TNIK: variants seen among roughly 807,000 people sequenced by gnomAD.
The protein encoded by TNIK is TRAF2 and NCK-interacting protein kinase.
TNIK carries 49 observed loss-of-function variants against 191.3 expected under a neutral mutation model. The ratio of observed to expected loss-of-function variants is 0.26; its 90% confidence interval spans 0.20 to 0.32. The LOEUF (loss-of-function observed/expected upper bound fraction) is 0.32. Ranked by LOEUF, TNIK falls within the 10% of genes least tolerant of loss-of-function variation. The probability of loss-of-function intolerance (pLI) is 1.00; values close to 1 mark genes in which losing one functional copy is unlikely to be tolerated. For synonymous variants in TNIK, 594 were observed against 600.9 expected (o/e 0.99, Z 0.17); for missense variants, 1,155 against 1,702.3 (o/e 0.68, Z 5.66).
intron 15 of TNIK, among the ~76,000 whole-genome samples, chr3:171,131,665 G>A (rs945501323): frequency 1.3e-5 from 2 of 152,206 alleles, no homozygotes; most frequent in Admixed American, 1.3e-4. Flanking sequence ...AGGGTGTAAC[G>A]ATGAGGCATC....
intron 16 of TNIK, among the ~76,000 whole-genome samples, chr3:171,127,468 A>G (rs1214349931): frequency 6.6e-6 from 1 of 152,170 alleles, no homozygotes; most frequent in Non-Finnish European, 1.5e-5. Flanking sequence ...ACAACCCCCA[A>G]ACTGAAGCAC....
intron 17 of TNIK, among the ~76,000 whole-genome samples, chr3:171,125,486 C>T (rs1357339071): frequency 6.6e-6 from 1 of 152,202 alleles, no homozygotes; most frequent in Non-Finnish European, 1.5e-5. Context: ...TTCTGAACCC[C>T]TGAAATCTGG....
At chr3:171,301,944 A>C (rs980721905) in intron 2 of TNIK, among the ~76,000 whole-genome samples, 1 of 152,134 alleles carries the variant, frequency 6.6e-6, no homozygotes, top group Non-Finnish European at 1.5e-5. Flanking sequence ...CAGGGGAAAA[A>C]ATTTGTGTAT....
In TNIK at chr3:171,275,853, T is replaced by C. The variant is rs191788675; in HGVS notation, c.124-47632A>G. Among the ~76,000 whole-genome samples, 13 of 152,034 alleles carry C rather than the reference T, an allele frequency of 8.6e-5. No homozygotes were observed. In the East Asian group the frequency reaches 2.5e-3, roughly 29 times the overall value. ...CGGAGCTTGCAGTGAGCCGAGATCGTGCCACTGCACTCCAAGCTGGGCGAC... is the reference window on the plus strand; with the variant it reads ...CGGAGCTTGCAGTGAGCCGAGATCGCGCCACTGCACTCCAAGCTGGGCGAC... On this transcript the variant is annotated intron_variant, in intron 2 of 32. Coordinates refer to ENST00000436636, the MANE Select transcript of TNIK (RefSeq NM_015028.4).
At chr3:171,377,825 A>T (rs527953569) in intron 1 of TNIK, among the ~76,000 whole-genome samples, 1 of 152,258 alleles carries the variant, frequency 6.6e-6, no homozygotes, top group Non-Finnish European at 1.5e-5. Flanking sequence ...CTACAGACAT[A>T]CTGCTCTTGC....
chr3:171,246,452 A>G (rs532974870), intron 2 of TNIK, among the ~76,000 whole-genome samples: 1 of 152,308 alleles, frequency 6.6e-6, no homozygotes, highest in Non-Finnish European at 1.5e-5. Context: ...GTTCTGTTAT[A>G]AGCATTTTAC....
intron 3 of TNIK, among the ~76,000 whole-genome samples, chr3:171,218,329 C>T (rs1002697192): frequency 1.3e-5 from 2 of 152,032 alleles, no homozygotes; most frequent in Admixed American, 1.3e-4. Context: ...TTCTCATACC[C>T]AAGCCTGCAC....
chr3:171,303,938 A>G (rs1318588394), intron 2 of TNIK, among the ~76,000 whole-genome samples: 1 of 151,380 alleles, frequency 6.6e-6, no homozygotes. Flanking sequence ...TAGAGTGTAG[A>G]CTGGATATGT....
intron 1 of TNIK, among the ~76,000 whole-genome samples, chr3:171,449,955 G>GA (rs1727976880): frequency 6.6e-6 from 1 of 151,280 alleles, no homozygotes; most frequent in African/African-American, 2.4e-5. Context: ...AGAATTGCTT[G>GA]AACCCAGGAG....
chr3:171,231,744 G>A (rs992356031), intron 2 of TNIK, among the ~76,000 whole-genome samples: 3 of 152,182 alleles, frequency 2.0e-5, no homozygotes, highest in African/African-American at 7.2e-5. Context: ...CTGAGGCACA[G>A]TCATTGTAAG....
intron 2 of TNIK, among the ~76,000 whole-genome samples, chr3:171,240,948 CTCAA>C (rs1375927192): frequency 6.6e-6 from 1 of 152,062 alleles, no homozygotes; most frequent in African/African-American, 2.4e-5. Flanking sequence ...ATGGTGGGTA[CTCAA>C]TCAATATGTG....
chr3:171,338,937 T>TGACTCTGCCC (rs1470869919), intron 2 of TNIK, among the ~76,000 whole-genome samples: 1 of 152,230 alleles, frequency 6.6e-6, no homozygotes, highest in East Asian at 1.9e-4. Flanking sequence ...TAGGACTGTC[T>TGACTCTGCCC]GACTCTGCCC....
chr3:171,417,574 T>C (rs1482335587), intron 1 of TNIK, among the ~76,000 whole-genome samples: 1 of 152,210 alleles, frequency 6.6e-6, no homozygotes, highest in African/African-American at 2.4e-5. Context: ...TTTTGACTTC[T>C]CATCTCATGC....
intron 2 of TNIK, among the ~76,000 whole-genome samples, chr3:171,247,126 T>C (rs1745680880): frequency 6.6e-6 from 1 of 152,218 alleles, no homozygotes. Context: ...AGGAGTACGA[T>C]GTTAAAGAGT....
intron 16 of TNIK, 51 bp from the exon 17 acceptor site, chr3:171,126,202 C>G (rs1435801624): frequency 2.7e-6 from 4 of 1,472,098 alleles, no homozygotes; most frequent in Non-Finnish European, 3.6e-6. Flanking sequence ...AAAAAGAGAT[C>G]AGCCAGTACC....
At chr3:171,117,979 T>A (rs186542558) in intron 18 of TNIK, among the ~76,000 whole-genome samples, 373 of 151,776 alleles carry the variant, frequency 2.5e-3, no homozygotes, top group African/African-American at 8.4e-3. Flanking sequence ...CAAAAAAAAA[T>A]TAGGATAAGA....
At chr3:171,351,905 C>A (rs890667616) in intron 2 of TNIK, among the ~76,000 whole-genome samples, 1 of 152,196 alleles carries the variant, frequency 6.6e-6, no homozygotes, top group Non-Finnish European at 1.5e-5. Flanking sequence ...AGGCACCCTG[C>A]CCATCCTGAA....
intron 19 of TNIK, among the ~76,000 whole-genome samples, chr3:171,109,126 G>T (rs775695136): frequency 2.6e-5 from 4 of 152,150 alleles, no homozygotes; most frequent in Non-Finnish European, 5.9e-5. Context: ...AGAATATGAA[G>T]TTGCCTATAA....
rs1198905123 is a variant in TNIK at position 171,424,734 on chromosome 3, C to CA, written c.57+35272dup. ...CATTCTCAGCAAACTATCGCAAGGA[C>CA]AAAAAACCAAACACCGCATGTTATC... On this transcript the variant is annotated intron_variant, in intron 1 of 32. Transcript: ENST00000436636. 3.4e-5 allele frequency among the ~76,000 whole-genome samples: 5 copies of CA among 147,100 alleles called. No individual in the cohort carries two copies. In the South Asian group the frequency reaches 1.1e-3, roughly 31 times the overall value.
Sources: allele counts gnomAD v4.1 joint callset (sites outside exome capture counted in the v4.1 genomes callset), GRCh38; gene constraint gnomAD v4.1.1; transcripts MANE v1.5; gene names NCBI Gene and HGNC (gene_info 2026-07-23, HGNC 2026-07-21).